Variants in NAALADL2 observed in about 807,000 individuals in gnomAD.
NAALADL2 encodes inactive N-acetylated-alpha-linked acidic dipeptidase-like protein 2.
A neutral mutation model predicts 87.2 loss-of-function variants in NAALADL2; 76 were observed. The ratio of observed to expected loss-of-function variants is 0.87; its 90% CI spans 0.72 to 1.05. The LOEUF (loss-of-function observed/expected upper bound fraction) is 1.05, where lower values mean the gene tolerates loss of function less well. Among genes scored for constraint, NAALADL2 ranks in the 50% least tolerant of loss-of-function variants. NAALADL2 has a pLI of 0.00. For synonymous variants in NAALADL2, 354 were observed against 331.0 expected (o/e 1.07, Z -0.75); for missense variants, 1,089 against 945.8 (o/e 1.15, Z -1.99).
chr3:175,231,555 C>T (rs1222888531), intron 2 of NAALADL2, among the ~76,000 whole-genome samples: 1 of 151,916 alleles, frequency 6.6e-6, no homozygotes, highest in East Asian at 1.9e-4. Context: ...TTTCATTTGC[C>T]TTCGAGGCCT....
intron 11 of NAALADL2, among the ~76,000 whole-genome samples, chr3:175,680,488 C>T (rs1340174398): frequency 6.6e-6 from 1 of 152,072 alleles, no homozygotes; most frequent in Non-Finnish European, 1.5e-5. Flanking sequence ...TAAAGGAGAA[C>T]AAATTGTTTA....
At chr3:175,054,739 C>G (rs186529027) in intron 1 of NAALADL2, among the ~76,000 whole-genome samples, 1 of 152,124 alleles carries the variant, frequency 6.6e-6, no homozygotes, top group Non-Finnish European at 1.5e-5. Context: ...CCCCTTGAAG[C>G]GGTTCCTTCA....
chr3:175,756,357 A>G (rs1195803855), intron 13 of NAALADL2, among the ~76,000 whole-genome samples: 1 of 152,146 alleles, frequency 6.6e-6, no homozygotes, highest in East Asian at 1.9e-4. Flanking sequence ...TTTTATATCA[A>G]AAAGATACTT....
intron 11 of NAALADL2, among the ~76,000 whole-genome samples, chr3:175,637,430 G>C (rs1728700722): frequency 6.6e-6 from 1 of 152,208 alleles, no homozygotes; most frequent in Admixed American, 6.5e-5. Context: ...CAAACCTCAT[G>C]TTGAAATTGA....
intron 5 of NAALADL2, among the ~76,000 whole-genome samples, chr3:175,365,801 C>G (rs1765486294): frequency 6.8e-6 from 1 of 147,164 alleles, no homozygotes; most frequent in Non-Finnish European, 1.5e-5. Flanking sequence ...AAAATATTGT[C>G]TGATAAATTT....
At position 175,189,664 on chromosome 3, in the gene NAALADL2, T is replaced by C. The variant is rs568974056; in HGVS notation, c.546-44267T>C. Among the ~76,000 whole-genome samples, 27 of 152,286 alleles carry C rather than the reference T, an allele frequency of 1.8e-4. 2 individuals carry two copies. The South Asian group carries it at 5.6e-3, about 32-fold the overall frequency. On this transcript the variant is annotated intron_variant, in intron 2 of 13. Transcript: ENST00000454872. ...TATCCGAGACAATACACAGATTCAGTGCAATTCCTGTCAAGATAAGAATAA... is the reference window on the plus strand; with the variant it reads ...TATCCGAGACAATACACAGATTCAGCGCAATTCCTGTCAAGATAAGAATAA...
At chr3:174,984,140 AT>A (rs755870289) in intron 1 of NAALADL2, among the ~76,000 whole-genome samples, 2 of 152,256 alleles carry the variant, frequency 1.3e-5, no homozygotes, top group Non-Finnish European at 2.9e-5. Flanking sequence ...ATAACAACGT[AT>A]TTCAAATGCA....
At chr3:174,997,831 G>A (rs1326030085) in intron 1 of NAALADL2, among the ~76,000 whole-genome samples, 1 of 134,222 alleles carries the variant, frequency 7.5e-6, no homozygotes, top group Non-Finnish European at 1.5e-5. Flanking sequence ...AAACCAAAAA[G>A]CAAACAACAA....
intron 1 of NAALADL2, among the ~76,000 whole-genome samples, chr3:174,902,401 C>G (rs1321608071): frequency 1.3e-5 from 2 of 151,898 alleles, no homozygotes; most frequent in Non-Finnish European, 2.9e-5. Flanking sequence ...CTCTTCTCCA[C>G]CCGGTAGTGA....
At chr3:175,138,708 C>T (rs9290539) in intron 2 of NAALADL2, among the ~76,000 whole-genome samples, 5,109 of 148,516 alleles carry the variant, frequency 0.034, 142 homozygotes, top group South Asian at 0.083. Context: ...CTGATCCTCC[C>T]GAATAGCTGA....
chr3:174,819,058 C>CTTTTTTTTTTTTTTTTTTA (rs1721121736), intron 3 of NAALADL2, among the ~76,000 whole-genome samples: 1 of 47,536 alleles, frequency 2.1e-5, no homozygotes, highest in Non-Finnish European at 4.0e-5. Context: ...ACCATTTATT[C>CTTTTTTTTTTTTTTTTTTA]TTTTTTTTTT....
chr3:175,607,543 G>C, intron 10 of NAALADL2, among the ~76,000 whole-genome samples: 1 of 152,060 alleles, frequency 6.6e-6, no homozygotes, highest in Non-Finnish European at 1.5e-5. Flanking sequence ...AGAAATAAAG[G>C]TGGTGTGGAG....
At chr3:174,641,871 C>T (rs142361289) in intron 2 of NAALADL2, among the ~76,000 whole-genome samples, 1 of 152,278 alleles carries the variant, frequency 6.6e-6, no homozygotes, top group African/African-American at 2.4e-5. Flanking sequence ...ATCCTCCCAC[C>T]TCAGGCTCCT....
intron 5 of NAALADL2, among the ~76,000 whole-genome samples, chr3:175,386,225 C>CT (rs34006374): frequency 0.55 from 81,131 of 148,178 alleles, 22,171 homozygotes; most frequent in East Asian, 0.69. Flanking sequence ...GATAGATCAT[C>CT]TTTTTTTTTT....
chr3:175,057,997 G>A (rs1712585144), intron 1 of NAALADL2, among the ~76,000 whole-genome samples: 1 of 152,126 alleles, frequency 6.6e-6, no homozygotes, highest in African/African-American at 2.4e-5. Flanking sequence ...ATAATTAAAT[G>A]CATCCAATTA....
chr3:174,723,480 G>T (rs754563355), intron 2 of NAALADL2, among the ~76,000 whole-genome samples: 2 of 152,104 alleles, frequency 1.3e-5, no homozygotes, highest in Non-Finnish European at 2.9e-5. Context: ...ATAGGGCTGG[G>T]CGTGGTGGCT....
chr3:174,446,736 C>T (rs917186227), intron 1 of NAALADL2, among the ~76,000 whole-genome samples: 19 of 152,114 alleles, frequency 1.2e-4, no homozygotes, highest in Non-Finnish European at 2.2e-4. Flanking sequence ...TAACATATTT[C>T]CTGCATGGTT....
upstream of NAALADL2, among the ~76,000 whole-genome samples, chr3:174,855,380 A>G (rs868220589): frequency 6.6e-6 from 1 of 152,088 alleles, no homozygotes; most frequent in African/African-American, 2.4e-5. Context: ...TCAGTGCATG[A>G]CTATGGTGTA....
At chr3:174,607,655 A>G (rs1315800231) in intron 2 of NAALADL2, among the ~76,000 whole-genome samples, 1 of 152,168 alleles carries the variant, frequency 6.6e-6, no homozygotes, top group Non-Finnish European at 1.5e-5. Context: ...AGGAGCACCC[A>G]GATTCATAAG....
Sources: gnomAD v4.1 joint callset for allele counts (sites outside exome capture counted in the v4.1 genomes callset) on GRCh38, gnomAD v4.1.1 for gene constraint, MANE v1.5 for transcripts, NCBI Gene and HGNC (gene_info 2026-07-23, HGNC 2026-07-21) for gene names.